Variants in ROBO2 observed in about 807,000 individuals in gnomAD.
The protein encoded by ROBO2 is roundabout homolog 2.
A neutral mutation model predicts 160.8 loss-of-function variants in ROBO2; 53 were observed. The ratio of observed to expected loss-of-function variants is 0.33; its 90% CI spans 0.26 to 0.41. ROBO2 has a LOEUF of 0.41. Among genes scored for constraint, ROBO2 ranks in the 10% least tolerant of loss-of-function variants. The pLI is 1.00. For synonymous variants in ROBO2, 664 were observed against 611.7 expected, an observed-to-expected ratio of 1.09 and a Z score of -1.26; for missense variants, 1,577 against 1,722.4, an observed-to-expected ratio of 0.92 and a Z score of 1.49.
Position 76,940,190 on chromosome 3 carries a change from G to A in ROBO2, c.110-157824G>A, listed in dbSNP as rs138264451. ...GTAGAGACGGGGTTTCACCGTGTTAGCCAGGATGGTCTCGATCTCTTGACC... is the reference window on the plus strand; with the variant it reads ...GTAGAGACGGGGTTTCACCGTGTTAACCAGGATGGTCTCGATCTCTTGACC... On this transcript the variant is annotated intron_variant, in intron 2 of 26. Transcript: ENST00000487694. 5.7e-3 allele frequency among the ~76,000 whole-genome samples: 865 copies of A among 152,162 alleles called. 11 individuals are homozygous for A. The highest frequency in any genetic ancestry group is 0.02 in the African/African-American group (825 of 41,512).
chr3:77,625,846 T>C (rs1194019538), intron 23 of ROBO2, among the ~76,000 whole-genome samples: 1 of 152,198 alleles, frequency 6.6e-6, no homozygotes, highest in Non-Finnish European at 1.5e-5. Flanking sequence ...TTACTATCTG[T>C]CATTTTACAG....
intron 2 of ROBO2, among the ~76,000 whole-genome samples, chr3:76,772,158 T>A (rs1040088655): frequency 6.6e-6 from 1 of 151,264 alleles, no homozygotes; most frequent in South Asian, 2.1e-4. Flanking sequence ...TGTAAAATAG[T>A]CCTGGTCTAT....
intron 2 of ROBO2, among the ~76,000 whole-genome samples, chr3:76,546,021 A>G (rs745470555): frequency 2.0e-5 from 3 of 151,852 alleles, no homozygotes; most frequent in Admixed American, 6.6e-5. Flanking sequence ...ATTAAGTGAC[A>G]ATGGCTAAGT....
intron 2 of ROBO2, among the ~76,000 whole-genome samples, chr3:77,269,064 T>C (rs564759191): frequency 3.3e-4 from 50 of 152,348 alleles, no homozygotes; most frequent in African/African-American, 1.2e-3. Context: ...ATGTTTGATT[T>C]CTACCAGATC....
At chr3:77,512,849 A>G (rs2089568750) in intron 5 of ROBO2, among the ~76,000 whole-genome samples, 2 of 151,972 alleles carry the variant, frequency 1.3e-5, no homozygotes, top group Non-Finnish European at 1.5e-5. Context: ...TCATATAGAC[A>G]TTAAATGTTT....
At chr3:77,446,679 T>G (rs781179654) in intron 2 of ROBO2, among the ~76,000 whole-genome samples, 18 of 152,102 alleles carry the variant, frequency 1.2e-4, no homozygotes, top group Non-Finnish European at 2.1e-4. Context: ...TATTATAATT[T>G]CTACAATATA....
At chr3:76,859,056 C>T (rs1291454918) in intron 2 of ROBO2, among the ~76,000 whole-genome samples, 2 of 152,124 alleles carry the variant, frequency 1.3e-5, no homozygotes, top group Non-Finnish European at 2.9e-5. Context: ...TAAGAGTCCA[C>T]CCTGTAAATG....
intron 2 of ROBO2, among the ~76,000 whole-genome samples, chr3:76,070,973 C>T (rs934632542): frequency 6.6e-6 from 1 of 152,176 alleles, no homozygotes; most frequent in Non-Finnish European, 1.5e-5. Context: ...TTTTAATATA[C>T]TGTCTAACCA....
chr3:77,632,730 TC>T, intron 23 of ROBO2: 17 of 1,330,108 alleles, frequency 1.3e-5, no homozygotes, highest in Non-Finnish European at 1.7e-5. Flanking sequence ...TTTCTCCTGT[TC>T]TTTCTCCTTA....
intron 2 of ROBO2, among the ~76,000 whole-genome samples, chr3:76,703,060 T>TA (rs1273312996): frequency 1.3e-5 from 2 of 152,132 alleles, no homozygotes; most frequent in African/African-American, 4.8e-5. Flanking sequence ...CTCCAAATAA[T>TA]ATATCATGAA....
chr3:76,585,490 A>C (rs2085975744), intron 2 of ROBO2, among the ~76,000 whole-genome samples: 2 of 152,242 alleles, frequency 1.3e-5, no homozygotes, highest in South Asian at 4.1e-4. Context: ...GTCTCACCCC[A>C]GAGTTCTGAT....
chr3:77,089,648 A>T (rs1471648618), intron 1 of ROBO2, among the ~76,000 whole-genome samples: 1 of 152,204 alleles, frequency 6.6e-6, no homozygotes, highest in Non-Finnish European at 1.5e-5. Flanking sequence ...AAATTTATTT[A>T]GGCCAATGGC....
intron 2 of ROBO2, among the ~76,000 whole-genome samples, chr3:76,488,117 G>A (rs752647707): frequency 1.3e-5 from 2 of 152,094 alleles, no homozygotes; most frequent in African/African-American, 2.4e-5. Context: ...AAAGTGAAAG[G>A]GTTTGCATTA....
chr3:76,789,014 G>A (rs1357799951), intron 2 of ROBO2, among the ~76,000 whole-genome samples: 1 of 151,460 alleles, frequency 6.6e-6, no homozygotes, highest in Non-Finnish European at 1.5e-5. Context: ...GAACACCTGG[G>A]TGTTAAACAT....
At chr3:77,322,564 G>C (rs992513911) in intron 2 of ROBO2, among the ~76,000 whole-genome samples, 5 of 151,612 alleles carry the variant, frequency 3.3e-5, no homozygotes, top group African/African-American at 9.7e-5. Context: ...TGATGACTAA[G>C]ACCTAGGTAA....
chr3:77,441,448 A>G (rs1483293925), intron 2 of ROBO2, among the ~76,000 whole-genome samples: 2 of 152,186 alleles, frequency 1.3e-5, no homozygotes, highest in Non-Finnish European at 1.5e-5. Flanking sequence ...GAAAAATGAT[A>G]ACAGTGTCAT....
intron 2 of ROBO2, among the ~76,000 whole-genome samples, chr3:77,003,242 A>G (rs905799674): frequency 1.3e-5 from 2 of 152,228 alleles, no homozygotes; most frequent in Non-Finnish European, 2.9e-5. Context: ...CTTGATAATT[A>G]CTGTCCCTAT....
chr3:76,637,998 TATA>T (rs1424773217), intron 2 of ROBO2, among the ~76,000 whole-genome samples: 1 of 152,214 alleles, frequency 6.6e-6, no homozygotes, highest in East Asian at 1.9e-4. Context: ...TGCATTTTCT[TATA>T]GTATTAAGTG....
intron 2 of ROBO2, among the ~76,000 whole-genome samples, chr3:76,371,484 G>A (rs1035900425): frequency 6.6e-6 from 1 of 150,602 alleles, no homozygotes; most frequent in African/African-American, 2.4e-5. Flanking sequence ...TAAAGTGAAA[G>A]GGTATTTACA....
Sources: allele counts gnomAD v4.1 joint callset (sites outside exome capture counted in the v4.1 genomes callset), GRCh38; gene constraint gnomAD v4.1.1; transcripts MANE v1.5; gene names NCBI Gene and HGNC (gene_info 2026-07-23, HGNC 2026-07-21).